AGBL4: variants seen among roughly 807,000 people sequenced by gnomAD.
AGBL4 encodes the protein AGBL carboxypeptidase 4.
Under a neutral mutation model 66.4 loss-of-function variants are expected in AGBL4, and 58 were observed. The observed-to-expected ratio is 0.87, with a 90% CI of 0.71 to 1.09. The LOEUF is 1.09. AGBL4 is among the 50% of genes least tolerant of loss of function. The probability of loss-of-function intolerance (pLI) is 0.00; values close to 1 mark genes in which losing one functional copy is unlikely to be tolerated. For synonymous variants in AGBL4, 234 were observed against 222.9 expected, an observed-to-expected ratio of 1.05 and a Z score of -0.44; for missense variants, 579 against 631.0, an observed-to-expected ratio of 0.92 and a Z score of 0.88.
chr1:49,310,656 C>A (rs1343806871), intron 3 of AGBL4, among the ~76,000 whole-genome samples: 2 of 151,992 alleles, frequency 1.3e-5, no homozygotes, highest in South Asian at 2.1e-4. Context: ...GGTCCTGTGG[C>A]ATTCCTTTAA....
intron 3 of AGBL4, among the ~76,000 whole-genome samples, chr1:49,320,703 C>A (rs1032579061): frequency 6.6e-6 from 1 of 152,108 alleles, no homozygotes; most frequent in African/African-American, 2.4e-5. Flanking sequence ...CTTTGAGGAG[C>A]GTGACTCAAA....
intron 5 of AGBL4, among the ~76,000 whole-genome samples, chr1:48,878,486 G>A (rs1649437494): frequency 6.6e-6 from 1 of 152,166 alleles, no homozygotes; most frequent in African/African-American, 2.4e-5. Context: ...TACGAGTAGA[G>A]CAGTTAGCTA....
intron 3 of AGBL4, among the ~76,000 whole-genome samples, chr1:49,660,182 G>GA (rs1646240007): frequency 6.6e-6 from 1 of 151,720 alleles, no homozygotes; most frequent in South Asian, 2.1e-4. Flanking sequence ...CAAAGTAGGA[G>GA]AAAATTTTTT....
intron 3 of AGBL4, among the ~76,000 whole-genome samples, chr1:49,330,353 A>G (rs1845464): frequency 0.52 from 79,286 of 152,074 alleles, 21,920 homozygotes; most frequent in Non-Finnish European, 0.62. Context: ...GGAGGCAGAG[A>G]TGGCAGTGGG....
At chr1:48,935,994 AAGATACAAGATGGCTGGGTGTGGTGGCTC>A (rs1655432083) in intron 5 of AGBL4, among the ~76,000 whole-genome samples, 1 of 137,030 alleles carries the variant, frequency 7.3e-6, no homozygotes. Context: ...AAAAAAAAAA[AAGATACAAGATGGCTGGGTGTGGTGGCTC>A]ATGGCTGTAA....
chr1:49,843,380 C>T (rs1403817138), intron 2 of AGBL4, among the ~76,000 whole-genome samples: 1 of 152,058 alleles, frequency 6.6e-6, no homozygotes, highest in Non-Finnish European at 1.5e-5. Context: ...CTCAGGCAGT[C>T]CTCCTGCCAT....
chr1:48,679,932 C>T (rs1358422936), intron 6 of AGBL4, among the ~76,000 whole-genome samples: 1 of 152,248 alleles, frequency 6.6e-6, no homozygotes, highest in East Asian at 1.9e-4. Flanking sequence ...CCTCTGTGTG[C>T]TATACCTCTC....
chr1:49,336,603 C>T (rs1206725669), intron 3 of AGBL4, among the ~76,000 whole-genome samples: 1 of 152,196 alleles, frequency 6.6e-6, no homozygotes, highest in Non-Finnish European at 1.5e-5. Context: ...TCCCTTAGAT[C>T]TTTCTAAAAC....
At chr1:48,591,099 C>CCA (rs1557812663) in intron 9 of AGBL4, 114 bp from the exon 10 acceptor site, 4 of 706,252 alleles carry the variant, frequency 5.7e-6, no homozygotes, top group Non-Finnish European at 6.3e-6. Context: ...CACCCCCCCC[C>CCA]ACACACACAC....
intron 2 of AGBL4, among the ~76,000 whole-genome samples, chr1:49,831,750 C>A (rs1485030631): frequency 2.0e-5 from 3 of 152,130 alleles, no homozygotes; most frequent in African/African-American, 7.2e-5. Flanking sequence ...GTGGGTTTGT[C>A]ATAAATAGCT....
intron 11 of AGBL4, among the ~76,000 whole-genome samples, chr1:48,552,694 G>A (rs1644266620): frequency 6.6e-6 from 1 of 152,154 alleles, no homozygotes; most frequent in African/African-American, 2.4e-5. Flanking sequence ...AAACACACCT[G>A]GGGGTGAGAA....
intron 4 of AGBL4, among the ~76,000 whole-genome samples, chr1:49,050,684 A>ATCTC (rs1407038063): frequency 1.3e-5 from 2 of 151,998 alleles, no homozygotes; most frequent in Non-Finnish European, 2.9e-5. Flanking sequence ...TACACAGTGC[A>ATCTC]TCTCTGTATA....
chr1:49,491,156 G>A (rs1647177986), intron 3 of AGBL4, among the ~76,000 whole-genome samples: 1 of 151,716 alleles, frequency 6.6e-6, no homozygotes, highest in Non-Finnish European at 1.5e-5. Context: ...ATGCAGTACT[G>A]GTACATAATC....
chr1:49,346,986 A>G (rs566990820), intron 3 of AGBL4, among the ~76,000 whole-genome samples: 1 of 152,228 alleles, frequency 6.6e-6, no homozygotes, highest in Admixed American at 6.5e-5. Context: ...TAAGAGACCC[A>G]GGAAATATCC....
chr1:48,773,019 C>A (rs1373498592), intron 6 of AGBL4, among the ~76,000 whole-genome samples: 1 of 152,118 alleles, frequency 6.6e-6, no homozygotes, highest in Middle Eastern at 3.2e-3. Flanking sequence ...AAAGTCAACG[C>A]CTGCCACCCC....
At chr1:49,178,674 G>A (rs557267209) in intron 4 of AGBL4, among the ~76,000 whole-genome samples, 32 of 152,246 alleles carry the variant, frequency 2.1e-4, no homozygotes, top group African/African-American at 7.2e-4. Context: ...ATGAGAACAA[G>A]GACCATTCCT....
At chr1:49,941,604 A>G (rs952151351) in intron 1 of AGBL4, among the ~76,000 whole-genome samples, 1 of 152,090 alleles carries the variant, frequency 6.6e-6, no homozygotes, top group African/African-American at 2.4e-5. Context: ...TGATGTACCC[A>G]TTAATAGAAT....
intron 4 of AGBL4, among the ~76,000 whole-genome samples, chr1:49,173,860 A>C (rs1004900521): frequency 1.3e-5 from 2 of 152,194 alleles, no homozygotes; most frequent in African/African-American, 4.8e-5. Context: ...AGAGATAAGG[A>C]GGAAAATCAG....
At chr1:49,685,988 A>G (rs990495969) in intron 3 of AGBL4, among the ~76,000 whole-genome samples, 3 of 152,140 alleles carry the variant, frequency 2.0e-5, no homozygotes, top group African/African-American at 7.2e-5. Flanking sequence ...TATATCCAGA[A>G]TGGTATTTCC....
Sources: allele counts gnomAD v4.1 joint callset (sites outside exome capture counted in the v4.1 genomes callset), GRCh38; gene constraint gnomAD v4.1.1; transcripts MANE v1.5; gene names NCBI Gene and HGNC (gene_info 2026-07-23, HGNC 2026-07-21).